Variants in PLEKHG1 observed in about 807,000 individuals in gnomAD.
The protein encoded by PLEKHG1 is pleckstrin homology and RhoGEF domain containing G1.
A neutral mutation model predicts 100.8 loss-of-function variants in PLEKHG1; 44 were observed. The ratio of observed to expected loss-of-function variants is 0.44; its 90% CI spans 0.34 to 0.56. The LOEUF (loss-of-function observed/expected upper bound fraction) is 0.56. Among genes scored for constraint, PLEKHG1 ranks in the 20% least tolerant of loss-of-function variants. The pLI, the probability that PLEKHG1 is intolerant of heterozygous loss-of-function variation, is 0.01. For missense variants in PLEKHG1, 1,545 were observed against 1,720.9 expected (o/e 0.90, Z 1.81); for synonymous variants, 640 against 662.5 (o/e 0.97, Z 0.52).
rs1787324842 is a variant in PLEKHG1, at chr6:150,809,089, C to T, written c.913-16C>T. On this transcript the variant is annotated splice_polypyrimidine_tract_variant and intron_variant, in intron 7 of 15. Coordinates refer to ENST00000358517, the Ensembl canonical transcript of PLEKHG1. ...TTCTGCCTCCTGTAAATGCCATGGCCCATTCCCTTTCTCAGGAGATACAGA... is the reference window on the plus strand; with the variant it reads ...TTCTGCCTCCTGTAAATGCCATGGCTCATTCCCTTTCTCAGGAGATACAGA... 1 of 1,607,986 alleles carries T rather than the reference C, an allele frequency of 6.2e-7. No homozygotes were observed. Among genetic ancestry groups the T allele is most frequent in the African/African-American group, 1.3e-5 (1 of 74,810 alleles).
At chr6:150,823,151 A>G (rs1776398423) in intron 13 of PLEKHG1, among the ~76,000 whole-genome samples, 1 of 152,190 alleles carries the variant, frequency 6.6e-6, no homozygotes, top group South Asian at 2.1e-4. Context: ...GGAGACACCC[A>G]TAATTAGGCT....
chr6:150,792,141 T>A (rs1449986644), intron 4 of PLEKHG1, among the ~76,000 whole-genome samples: 1 of 151,732 alleles, frequency 6.6e-6, no homozygotes, highest in Non-Finnish European at 1.5e-5. Flanking sequence ...TTTTATCCTT[T>A]AAAAAAAACA....
At chr6:150,705,667 A>G (rs1204354315) in intron 3 of PLEKHG1, among the ~76,000 whole-genome samples, 1 of 152,148 alleles carries the variant, frequency 6.6e-6, no homozygotes, top group East Asian at 1.9e-4. Flanking sequence ...TTTCTTCCTC[A>G]TGAGGATTAG....
rs6918933 is a variant in PLEKHG1 at position 150,802,915 on chromosome 6, C to A, written c.781-1695C>A. Among the ~76,000 whole-genome samples the A allele has an allele frequency of 5.3e-3, 799 of 152,162 alleles. 8 individuals are homozygous for A. Among genetic ancestry groups the A allele is most frequent in the African/African-American group, 0.018 (731 of 41,526 alleles). ...GACCCCATGATCCACCCACCTCGGCCCCTCAAAGTGCTGGGATTACAGGAG... is the reference window on the plus strand; with the variant it reads ...GACCCCATGATCCACCCACCTCGGCACCTCAAAGTGCTGGGATTACAGGAG... On this transcript the variant is annotated intron_variant, in intron 6 of 15. Coordinates refer to ENST00000358517, the Ensembl canonical transcript of PLEKHG1.
intron 15 of PLEKHG1, among the ~76,000 whole-genome samples, chr6:150,832,849 T>C (rs979147969): frequency 2.4e-4 from 36 of 151,656 alleles, no homozygotes; most frequent in African/African-American, 8.5e-4. Flanking sequence ...AGCTACTTTT[T>C]ACATTTTTTG....
At chr6:150,658,277 TA>T (rs1472014222) in intron 3 of PLEKHG1, among the ~76,000 whole-genome samples, 2 of 152,174 alleles carry the variant, frequency 1.3e-5, no homozygotes, top group African/African-American at 4.8e-5. Flanking sequence ...TAGAGTTAAG[TA>T]GGGTATTAAA....
At chr6:150,790,787 C>CT (rs1562521419) in intron 4 of PLEKHG1, among the ~76,000 whole-genome samples, 34 of 151,760 alleles carry the variant, frequency 2.2e-4, no homozygotes, top group Middle Eastern at 6.8e-3. Context: ...TTTGGGAGGC[C>CT]GAAGGGGGCA....
intron 1 of PLEKHG1, among the ~76,000 whole-genome samples, chr6:150,608,709 T>C (rs146200746): frequency 1.8e-4 from 28 of 152,320 alleles, no homozygotes; most frequent in African/African-American, 6.3e-4. Context: ...AAGTTGGTTT[T>C]GGGGATATTA....
chr6:150,629,893 TTATA>T (rs1777676632), intron 1 of PLEKHG1, among the ~76,000 whole-genome samples: 1 of 152,252 alleles, frequency 6.6e-6, no homozygotes, highest in African/African-American at 2.4e-5. Context: ...TTTATTTTAT[TTATA>T]CTTTTCTGTA....
chr6:150,786,995 A>ACT (rs1256111895), intron 4 of PLEKHG1, among the ~76,000 whole-genome samples: 1 of 147,170 alleles, frequency 6.8e-6, no homozygotes, highest in Non-Finnish European at 1.5e-5. Context: ...ACGCCATTGC[A>ACT]CTCCAGCCTG....
chr6:150,786,927 C>G (rs937933834), intron 4 of PLEKHG1, among the ~76,000 whole-genome samples: 2 of 150,146 alleles, frequency 1.3e-5, no homozygotes, highest in East Asian at 3.9e-4. Context: ...ACTAGGGTGG[C>G]TGAGGCAGGA....
chr6:150,821,142 A>G, intron 12 of PLEKHG1, 53 bp from the exon 14 acceptor site: 1 of 1,431,730 alleles, frequency 7.0e-7, no homozygotes, highest in Non-Finnish European at 9.8e-7. Context: ...AAGAATAAAG[A>G]AAAAGGTTTG....
intron 2 of PLEKHG1, among the ~76,000 whole-genome samples, chr6:150,642,866 A>C (rs947640672): frequency 6.6e-6 from 1 of 152,232 alleles, no homozygotes; most frequent in Non-Finnish European, 1.5e-5. Flanking sequence ...GCAGTGGTTC[A>C]GTATTTTTCT....
At position 150,801,645 on chromosome 6, in the gene PLEKHG1, G is replaced by A. The variant is rs376251514; in HGVS notation, c.780+776G>A. 5.3e-5 allele frequency among the ~76,000 whole-genome samples: 8 copies of A among 151,798 alleles called. No homozygotes were observed. The East Asian group carries it at 1.4e-3, about 26-fold the overall frequency. On this transcript the variant is annotated intron_variant, in intron 6 of 15. Coordinates refer to ENST00000358517, the Ensembl canonical transcript of PLEKHG1. Reference sequence around the variant, plus strand: ...GGTAGAGATAGAGTTTCACCATGTTGCCCAGCCTGGTCTCGAACTCCTGAG... The same window carrying A: ...GGTAGAGATAGAGTTTCACCATGTTACCCAGCCTGGTCTCGAACTCCTGAG...
At chr6:150,700,722 A>G (rs561121377) in intron 3 of PLEKHG1, among the ~76,000 whole-genome samples, 3 of 152,142 alleles carry the variant, frequency 2.0e-5, no homozygotes, top group Non-Finnish European at 4.4e-5. Flanking sequence ...TTGCACATCC[A>G]AGCCATCTGA....
exon 15 of PLEKHG1, chr6:150,830,638 G>T (rs1332083881): frequency 4.3e-6 from 7 of 1,612,864 alleles, no homozygotes; most frequent in Non-Finnish European, 4.2e-6. Flanking sequence ...CTCCTGCCCA[G>T]AGAAATAGTC....
chr6:150,799,919 C>T (rs1583155402), intron 5 of PLEKHG1, among the ~76,000 whole-genome samples: 2 of 152,172 alleles, frequency 1.3e-5, no homozygotes, highest in Non-Finnish European at 1.5e-5. Flanking sequence ...CTGCACAAGC[C>T]GTTAGCTGGC....
At chr6:150,724,558 C>CTTTTTTTTTTTTTTTTTT (rs34140367) in intron 1 of PLEKHG1, among the ~76,000 whole-genome samples, 39 of 100,470 alleles carry the variant, frequency 3.9e-4, no homozygotes, top group African/African-American at 1.4e-3. Flanking sequence ...TTTTCTTTTT[C>CTTTTTTTTTTTTTTTTTT]TTTTTTTTTT....
chr6:150,635,820 G>T (rs577429785), intron 1 of PLEKHG1, among the ~76,000 whole-genome samples: 1 of 152,210 alleles, frequency 6.6e-6, no homozygotes, highest in East Asian at 1.9e-4. Context: ...TGATAGAATT[G>T]CAGTGATCTG....
Sources: gnomAD v4.1 joint callset for allele counts (sites outside exome capture counted in the v4.1 genomes callset) on GRCh38, gnomAD v4.1.1 for gene constraint, MANE v1.5 for transcripts, NCBI Gene and HGNC (gene_info 2026-07-23, HGNC 2026-07-21) for gene names.